Variants in PDS5A observed in about 807,000 individuals in gnomAD.
The protein encoded by PDS5A is sister chromatid cohesion protein PDS5 homolog A.
Under a neutral mutation model 167.1 loss-of-function variants are expected in PDS5A, and 42 were observed. That is an observed-to-expected ratio of 0.25 (90% CI 0.20 to 0.33). The LOEUF (loss-of-function observed/expected upper bound fraction) is 0.33. Ranked by LOEUF, PDS5A falls within the 10% of genes least tolerant of loss-of-function variation. PDS5A has a pLI of 1.00. For synonymous variants in PDS5A, 553 were observed against 554.6 expected (o/e 1.00, Z 0.04); for missense variants, 1,033 against 1,605.9 (o/e 0.64, Z 6.10).
At position 39,913,625 on chromosome 4, in the gene PDS5A, T is replaced by A; in HGVS notation, c.978A>T (p.Gln326His). ...DLATQNRPLW[Q>H]CFLGRFNDIH... ...TGTTCTCTTACCGTCCAAGAAAACA[T>A]TGCCAAAGAGGACGATTCTGTGTTG... The change falls in exon 9 of 33, where the codon CAA becomes CAT. Residue 326 changes from glutamine (Q) to histidine (H), a missense_variant. By Grantham distance (24) the Gln-to-His change is conservative. Coordinates refer to ENST00000303538, the MANE Select transcript of PDS5A (RefSeq NM_001100399.2). 6.3e-7 allele frequency: 1 copy of A among 1,591,550 alleles called. No individual in the cohort carries two copies. The highest frequency in any genetic ancestry group is 1.1e-5 in the South Asian group (1 of 90,654).
At chr4:39,844,272 C>T (rs560152049) in intron 30 of PDS5A, among the ~76,000 whole-genome samples, 4 of 151,938 alleles carry the variant, frequency 2.6e-5, no homozygotes, top group South Asian at 4.2e-4. Flanking sequence ...GTCAGGAGTT[C>T]GAGACCAGCC....
At chr4:39,962,057 G>GT (rs1262165148) in intron 2 of PDS5A, among the ~76,000 whole-genome samples, 4 of 137,890 alleles carry the variant, frequency 2.9e-5, no homozygotes, top group South Asian at 2.4e-4. Flanking sequence ...TCAATTCTGA[G>GT]TTTTTGTTTT....
intron 26 of PDS5A, among the ~76,000 whole-genome samples, chr4:39,850,897 G>A (rs1197413591): frequency 1.3e-5 from 2 of 152,230 alleles, no homozygotes; most frequent in African/African-American, 4.8e-5. Flanking sequence ...TTCAGGCAGT[G>A]ACATGACTAC....
intron 2 of PDS5A, among the ~76,000 whole-genome samples, chr4:39,937,208 T>G (rs1726702124): frequency 6.6e-6 from 1 of 152,086 alleles, no homozygotes; most frequent in Admixed American, 6.6e-5. Flanking sequence ...ACCAGCCCCA[T>G]CCTGAAGCTA....
At chr4:39,935,099 T>C (rs1726465902) in intron 2 of PDS5A, among the ~76,000 whole-genome samples, 1 of 152,230 alleles carries the variant, frequency 6.6e-6, no homozygotes. Flanking sequence ...AACCAAAAGT[T>C]GTAAAGATTT....
At chr4:39,858,811 G>T (rs1718747935) in intron 26 of PDS5A, among the ~76,000 whole-genome samples, 1 of 152,084 alleles carries the variant, frequency 6.6e-6, no homozygotes, top group African/African-American at 2.4e-5. Context: ...TGTTAGTAGG[G>T]ACAGGGTTTC....
At chr4:39,956,334 A>C (rs9714671) in intron 2 of PDS5A, among the ~76,000 whole-genome samples, 33,124 of 151,122 alleles carry the variant, frequency 0.22, 4,556 homozygotes, top group Middle Eastern at 0.34. Flanking sequence ...TTTACCAAAA[A>C]ATACAAAAAT....
chr4:39,969,814 C>A (rs1360157706), intron 2 of PDS5A, among the ~76,000 whole-genome samples: 1 of 151,880 alleles, frequency 6.6e-6, no homozygotes, highest in African/African-American at 2.4e-5. Flanking sequence ...CAATTATGTG[C>A]CAGGCATTAA....
At chr4:39,914,853 TAAAC>T (rs1181413459) in intron 8 of PDS5A, among the ~76,000 whole-genome samples, 1 of 152,064 alleles carries the variant, frequency 6.6e-6, no homozygotes, top group East Asian at 1.9e-4. Context: ...AGATATCCAA[TAAAC>T]AAAATAGTTT....
At chr4:39,946,811 G>T (rs1727815483) in intron 2 of PDS5A, among the ~76,000 whole-genome samples, 1 of 152,232 alleles carries the variant, frequency 6.6e-6, no homozygotes, top group Non-Finnish European at 1.5e-5. Context: ...TACTTGGGAG[G>T]CTGAGGCAGG....
chr4:39,939,848 G>A (rs1727059632), intron 2 of PDS5A, among the ~76,000 whole-genome samples: 3 of 152,050 alleles, frequency 2.0e-5, no homozygotes, highest in South Asian at 4.1e-4. Flanking sequence ...AGGTATAGCT[G>A]AACTACTGTA....
intron 32 of PDS5A, among the ~76,000 whole-genome samples, chr4:39,828,046 G>C (rs1715476572): frequency 6.6e-6 from 1 of 152,154 alleles, no homozygotes; most frequent in Non-Finnish European, 1.5e-5. Flanking sequence ...CCGAAACTCA[G>C]AGACCCAACA....
intron 32 of PDS5A, among the ~76,000 whole-genome samples, chr4:39,831,053 T>C (rs1028327627): frequency 6.6e-5 from 10 of 152,332 alleles, no homozygotes; most frequent in African/African-American, 2.4e-4. Context: ...TGGGAGGAAA[T>C]GATAGTACTG....
intron 32 of PDS5A, among the ~76,000 whole-genome samples, chr4:39,826,252 G>A (rs1381018623): frequency 6.6e-6 from 1 of 151,282 alleles, no homozygotes; most frequent in African/African-American, 2.4e-5. Flanking sequence ...AAGCACAGGA[G>A]AGTGGGACAT....
At chr4:39,913,857 G>T in intron 8 of PDS5A, 131 bp from the exon 9 acceptor site, 1 of 626,320 alleles carries the variant, frequency 1.6e-6, no homozygotes, top group Non-Finnish European at 2.9e-6. Flanking sequence ...AATATCATAT[G>T]TCCTCACTTA....
At chr4:39,896,344 C>CTTT (rs1185559250) in intron 16 of PDS5A, among the ~76,000 whole-genome samples, 62 of 124,954 alleles carry the variant, frequency 5.0e-4, no homozygotes, top group African/African-American at 1.6e-3. Flanking sequence ...ATGTACTGAT[C>CTTT]TTTTTTTTTT....
chr4:39,874,373 A>G lies in PDS5A; in HGVS notation c.2193T>C (p.Gly731=). 6.2e-7 allele frequency: 1 copy of G among 1,612,548 alleles called. No homozygotes were observed. The highest frequency in any genetic ancestry group is 8.5e-7 in the Non-Finnish European group (1 of 1,178,716). ...IPILHQKAKR[G]TPHQAKQAVH... Reference sequence around the variant, plus strand: ...CAGCCTGTTTTGCTTGGTGTGGAGTACCCCTCTTTGCTTTTTGATGTAAAA... The same window carrying G: ...CAGCCTGTTTTGCTTGGTGTGGAGTGCCCCTCTTTGCTTTTTGATGTAAAA... The change falls in exon 20 of 33, where the codon GGT becomes GGC. Residue 731 remains glycine, a synonymous_variant. Coordinates refer to ENST00000303538, the MANE Select transcript of PDS5A (RefSeq NM_001100399.2).
chr4:39,901,842 A>T (rs1402442764), intron 13 of PDS5A, among the ~76,000 whole-genome samples: 1 of 146,634 alleles, frequency 6.8e-6, no homozygotes, highest in Admixed American at 6.8e-5. Flanking sequence ...ATTTACTTTA[A>T]AAAAAAAATC....
intron 18 of PDS5A, 150 bp from the exon 19 acceptor site, chr4:39,877,303 A>C: frequency 3.2e-6 from 1 of 314,172 alleles, no homozygotes; most frequent in Non-Finnish European, 5.3e-6. Flanking sequence ...CCGTCCTTGC[A>C]GTTAGTTATG....
Sources: gnomAD v4.1 joint callset for allele counts (sites outside exome capture counted in the v4.1 genomes callset) on GRCh38, gnomAD v4.1.1 for gene constraint, MANE v1.5 for transcripts, NCBI Gene and HGNC (gene_info 2026-07-23, HGNC 2026-07-21) for gene names.